Variants in IFT80 observed in about 807,000 individuals in gnomAD.
IFT80 encodes intraflagellar transport 80.
A neutral mutation model predicts 107.9 loss-of-function variants in IFT80; 79 were observed. The ratio of observed to expected loss-of-function variants is 0.73; its 90% CI spans 0.61 to 0.88. IFT80 has a LOEUF of 0.88. Ranked by LOEUF, IFT80 falls within the 40% of genes least tolerant of loss-of-function variation. The probability of loss-of-function intolerance (pLI) is 0.00; values close to 1 mark genes in which losing one functional copy is unlikely to be tolerated. For synonymous variants in IFT80, 299 were observed against 300.9 expected (o/e 0.99, Z 0.07); for missense variants, 797 against 914.2 (o/e 0.87, Z 1.65).
chr3:160,359,855 A>G (rs1436886942), intron 6 of IFT80, among the ~76,000 whole-genome samples: 1 of 152,234 alleles, frequency 6.6e-6, no homozygotes, highest in Non-Finnish European at 1.5e-5. Context: ...GTAGGTCACC[A>G]ACATCAAAGA....
At chr3:160,323,520 G>T (rs1194902130) in intron 8 of IFT80, among the ~76,000 whole-genome samples, 4 of 152,098 alleles carry the variant, frequency 2.6e-5, no homozygotes, top group Admixed American at 1.3e-4. Flanking sequence ...ACCTGCTGCT[G>T]AATGACTACT....
chr3:160,378,685 C>T (rs1156435618), intron 3 of IFT80, among the ~76,000 whole-genome samples: 2 of 151,262 alleles, frequency 1.3e-5, no homozygotes, highest in African/African-American at 4.9e-5. Context: ...GATGGGGCTC[C>T]CACTGGCCAA....
intron 5 of IFT80, among the ~76,000 whole-genome samples, chr3:160,374,653 T>A (rs1711850244): frequency 6.6e-6 from 1 of 152,196 alleles, no homozygotes; most frequent in East Asian, 1.9e-4. Flanking sequence ...ATTCTGTCAA[T>A]TATTCATAAG....
intron 8 of IFT80, among the ~76,000 whole-genome samples, chr3:160,330,378 T>G (rs1719002919): frequency 6.6e-6 from 1 of 152,246 alleles, no homozygotes; most frequent in Admixed American, 6.5e-5. Flanking sequence ...CCAACTCGTC[T>G]GCTAACTATT....
At chr3:160,366,822 C>T (rs1422605354) in intron 5 of IFT80, among the ~76,000 whole-genome samples, 2 of 151,826 alleles carry the variant, frequency 1.3e-5, no homozygotes, top group Non-Finnish European at 2.9e-5. Flanking sequence ...TATGAACAAT[C>T]CAATTGTACT....
At chr3:160,314,426 G>C (rs1289166044) in intron 9 of IFT80, among the ~76,000 whole-genome samples, 2 of 152,188 alleles carry the variant, frequency 1.3e-5, no homozygotes, top group Non-Finnish European at 2.9e-5. Flanking sequence ...CTGGAGGCAA[G>C]AGGCAGATTA....
rs552357614 is a variant in IFT80 at position 160,330,776 on chromosome 3, C to T, written c.778-10837G>A. Among the ~76,000 whole-genome samples, 10 of 152,286 alleles carry T rather than the reference C, an allele frequency of 6.6e-5. No homozygotes were observed. The South Asian group carries it at 2.1e-3, about 32-fold the overall frequency. On this transcript the variant is annotated intron_variant, in intron 8 of 19. Transcript: ENST00000326448. ...TTACCCAGTTTCCAACAATTATCAA[C>T]TAATGGCTAATTCTCATCTCCTCTG... is the stretch of plus-strand genomic sequence containing the variant.
chr3:160,267,271 T>C (rs1338502430), intron 19 of IFT80, among the ~76,000 whole-genome samples: 1 of 152,112 alleles, frequency 6.6e-6, no homozygotes, highest in Non-Finnish European at 1.5e-5. Context: ...AAATTGTGGG[T>C]GCCTTCTCTC....
intron 16 of IFT80, 28 bp from the exon 17 acceptor site, chr3:160,277,698 T>C (rs765629825): frequency 6.9e-7 from 1 of 1,459,212 alleles, no homozygotes; most frequent in Non-Finnish European, 9.6e-7. Flanking sequence ...AACAATTATC[T>C]TAACTATGTG....
chr3:160,280,915 G>C, intron 14 of IFT80, 101 bp from the exon 15 acceptor site: 1 of 1,003,136 alleles, frequency 1.0e-6, no homozygotes, highest in Non-Finnish European at 1.5e-6. Flanking sequence ...TACAATTTCT[G>C]GTAGATATGA....
chr3:160,344,377 G>T (rs1391413241), intron 8 of IFT80, among the ~76,000 whole-genome samples: 1 of 152,084 alleles, frequency 6.6e-6, no homozygotes, highest in African/African-American at 2.4e-5. Flanking sequence ...GTGCTGGGAA[G>T]ACAGGATATC....
intron 8 of IFT80, among the ~76,000 whole-genome samples, chr3:160,334,685 G>T (rs1431515357): frequency 6.6e-6 from 1 of 152,148 alleles, no homozygotes; most frequent in East Asian, 1.9e-4. Context: ...AAAGTGCTGG[G>T]ATTACAGGCG....
At chr3:160,325,650 A>G (rs1468406505) in intron 8 of IFT80, among the ~76,000 whole-genome samples, 2 of 152,110 alleles carry the variant, frequency 1.3e-5, no homozygotes, top group Non-Finnish European at 2.9e-5. Flanking sequence ...AGATTTTGAA[A>G]TATTTGCATA....
At chr3:160,295,607 A>T (rs543198695) in intron 12 of IFT80, among the ~76,000 whole-genome samples, 9 of 152,258 alleles carry the variant, frequency 5.9e-5, no homozygotes, top group African/African-American at 2.2e-4. Flanking sequence ...TCAAAAAAAA[A>T]AAGTTAAAAA....
At chr3:160,381,444 T>C in intron 3 of IFT80, 59 bp downstream of exon 3, 5 of 1,265,642 alleles carry the variant, frequency 4.0e-6, no homozygotes, top group Admixed American at 1.7e-5. Context: ...AAAGCATAAA[T>C]CATACTATTA....
chr3:160,392,934 G>T (rs1462215112), intron 1 of IFT80, among the ~76,000 whole-genome samples: 2 of 152,156 alleles, frequency 1.3e-5, no homozygotes, highest in Non-Finnish European at 2.9e-5. Flanking sequence ...AGCCAGGCAT[G>T]GTGGTGAATG....
intron 8 of IFT80, among the ~76,000 whole-genome samples, chr3:160,327,014 A>AGG (rs1718719988): frequency 6.6e-6 from 1 of 152,140 alleles, no homozygotes; most frequent in African/African-American, 2.4e-5. Flanking sequence ...AATCACTAGC[A>AGG]TTCCTATACA....
At chr3:160,344,047 C>G (rs1423779693) in intron 8 of IFT80, among the ~76,000 whole-genome samples, 1 of 152,112 alleles carries the variant, frequency 6.6e-6, no homozygotes, top group Non-Finnish European at 1.5e-5. Context: ...AAGGCTGTAC[C>G]AGTTAATGTT....
In IFT80 at chr3:160,257,050, C is replaced by A. The variant is rs1712427013; in HGVS notation, c.*1475G>T. 1 of 151,910 alleles carries A rather than the reference C, an allele frequency of 6.6e-6. No individual in the cohort carries two copies. The highest frequency in any genetic ancestry group is 2.1e-4 in the South Asian group (1 of 4,816). 9.4% of individuals were successfully genotyped at this position (151,910 alleles called of 1,614,324 possible). ...TGGTAAAATATACATAACATAAAACCTTTTAACCATTTATTTTTAAACATT... is the reference window on the plus strand; with the variant it reads ...TGGTAAAATATACATAACATAAAACATTTTAACCATTTATTTTTAAACATT... On this transcript the variant is annotated 3_prime_UTR_variant, in exon 20 of 20. Transcript: ENST00000326448.
Sources: gnomAD v4.1 joint callset for allele counts (sites outside exome capture counted in the v4.1 genomes callset) on GRCh38, gnomAD v4.1.1 for gene constraint, MANE v1.5 for transcripts, NCBI Gene and HGNC (gene_info 2026-07-23, HGNC 2026-07-21) for gene names.